TSC2: variants seen among roughly 807,000 people sequenced by gnomAD.
The protein encoded by TSC2 is tuberin.
Under a neutral mutation model 202.2 loss-of-function variants are expected in TSC2, and 29 were observed. The observed-to-expected ratio is 0.14, with a 90% CI of 0.11 to 0.20. The LOEUF is 0.20. Among genes scored for constraint, TSC2 ranks in the 10% least tolerant of loss-of-function variants. The probability of loss-of-function intolerance (pLI) is 1.00; values close to 1 mark genes in which losing one functional copy is unlikely to be tolerated. For missense variants in TSC2, 2,429 were observed against 2,420.0 expected, an observed-to-expected ratio of 1.00 and a Z score of -0.08; for synonymous variants, 1,349 against 1,044.0, an observed-to-expected ratio of 1.29 and a Z score of -5.63.
At chr16:2,058,961 CG>C in intron 10 of TSC2, 88 bp downstream of exon 10, 1 of 1,543,952 alleles carries the variant, frequency 6.5e-7, no homozygotes. Context: ...GGTCCTGCTG[CG>C]GGGGCTGCGG....
chr16:2,058,903 G>T (rs747507246), intron 10 of TSC2, 30 bp downstream of exon 10: 9 of 1,599,056 alleles, frequency 5.6e-6, no homozygotes, highest in Non-Finnish European at 6.8e-6. Flanking sequence ...CAGTGAGCTG[G>T]CAGGAACGGG....
rs117970803 is a variant in TSC2, at chr16:2,049,402, A to G, written c.138+649A>G. ...CACATGGGCTAGGTCGTTATCTTTTATGTGTGTTTGTGTCTTTGTCACACA... is the reference window on the plus strand; with the variant it reads ...CACATGGGCTAGGTCGTTATCTTTTGTGTGTGTTTGTGTCTTTGTCACACA... On this transcript the variant is annotated intron_variant, in intron 2 of 41. Transcript: ENST00000219476. 8.3e-4 allele frequency among the ~76,000 whole-genome samples: 126 copies of G among 151,894 alleles called. 1 individual carries two copies. The East Asian group carries it at 0.02, about 24-fold the overall frequency.
intron 26 of TSC2, 39 bp from the exon 27 acceptor site, chr16:2,078,993 A>G (rs1437193054): frequency 1.2e-6 from 2 of 1,610,734 alleles, no homozygotes; most frequent in East Asian, 2.2e-5. Context: ...GGCCCGCCCT[A>G]CCTGGCACCC....
intron 16 of TSC2, chr16:2,066,312 G>A (rs149048921): frequency 0.014 from 2,098 of 152,904 alleles, 18 homozygotes; most frequent in Non-Finnish European, 0.021. Context: ...ATGTGTCCAG[G>A]CCCGTCCAGG....
At chr16:2,081,265 A>T in intron 30 of TSC2, 1 of 408,888 alleles carries the variant, frequency 2.4e-6, no homozygotes, top group East Asian at 5.2e-5. Flanking sequence ...AGAGGCCCAG[A>T]GCCCAGGGGC....
At chr16:2,077,487 A>G in intron 25 of TSC2, 111 bp from the exon 26 acceptor site, 2 of 1,540,568 alleles carry the variant, frequency 1.3e-6, no homozygotes, top group Non-Finnish European at 1.8e-6. Flanking sequence ...GGATCTCTCC[A>G]TCCTGACCCT....
intron 2 of TSC2, among the ~76,000 whole-genome samples, chr16:2,049,422 C>T (rs1179262763): frequency 1.3e-5 from 2 of 152,048 alleles, no homozygotes; most frequent in Admixed American, 6.6e-5. Context: ...GTGTCTTTGT[C>T]ACACATGCCT....
chr16:2,079,122 C>T lies in TSC2; in HGVS notation c.3057C>T (p.His1019=), dbSNP rs1060504102. 1.1e-5 allele frequency: 17 copies of T among 1,612,966 alleles called. No homozygotes were observed. The highest frequency in any genetic ancestry group is 1.4e-5 in the Non-Finnish European group (17 of 1,180,054). Residue 1019 remains histidine, a synonymous_variant, in exon 27 of 42, where the codon CAC becomes CAT. Transcript: ENST00000219476. This position sits in a 1 kb window ranked among gnomAD's most constrained non-coding sequence, Gnocchi z 4.6. ...CTGACGATAGCCTGAAAAACCTCCA[C>T]CTGGAGCTCACGGAAACCTGTCTGG... is the stretch of plus-strand genomic sequence containing the variant. ...AQADDSLKNL[H]LELTETCLDM... is the part of the protein sequence containing the mutation.
Position 2,071,830 on chromosome 16 carries a change from C to G in TSC2, c.1993C>G (p.Pro665Ala), listed in dbSNP as rs1184908674. The change falls in exon 19 of 42, where the codon CCT becomes GCT. Residue 665 changes from proline (P) to alanine (A), a missense_variant. By Grantham distance (27) the Pro-to-Ala change is conservative. Coordinates refer to ENST00000219476, the MANE Select transcript of TSC2 (RefSeq NM_000548.5). Reference sequence around the variant, plus strand: ...GAAGAAGACCAGCGGCCCCCTTTCTCCTCCCACAGGGCCTCCTGGCCCGGC... The same window carrying G: ...GAAGAAGACCAGCGGCCCCCTTTCTGCTCCCACAGGGCCTCCTGGCCCGGC... ...SEKKTSGPLS[P>A]PTGPPGPAPA... The G allele has an allele frequency of 3.8e-6, 6 of 1,596,926 alleles. No homozygotes were observed. In the East Asian group the frequency reaches 1.4e-4, roughly 36 times the overall value.
intron 14 of TSC2, chr16:2,063,866 A>G (rs986115558): frequency 3.5e-5 from 12 of 346,174 alleles, no homozygotes; most frequent in Non-Finnish European, 6.2e-5. Context: ...ACACACGCAT[A>G]TTCACGCATG....
chr16:2,084,113 C>T (rs551480664), intron 33 of TSC2, 115 bp from the exon 34 acceptor site: 37 of 1,528,790 alleles, frequency 2.4e-5, no homozygotes, highest in Non-Finnish European at 3.0e-5. Flanking sequence ...GGTGCTCGGG[C>T]TGGTCTGTGG....
At chr16:2,058,990 T>G (rs1323873963) in intron 10 of TSC2, 117 bp downstream of exon 10, 3 of 1,499,970 alleles carry the variant, frequency 2.0e-6, no homozygotes, top group Admixed American at 3.9e-5. Flanking sequence ...TCTAGGCCTT[T>G]CCAGGCAGTT....
intron 9 of TSC2, among the ~76,000 whole-genome samples, chr16:2,057,703 C>A (rs2086050866): frequency 6.6e-6 from 1 of 152,164 alleles, no homozygotes; most frequent in African/African-American, 2.4e-5. Context: ...TTGCTGGAAG[C>A]CAGGTGGTTC....
In TSC2 at chr16:2,087,933, G is replaced by A. The variant is rs2091058156; in HGVS notation, c.5060G>A (p.Cys1687Tyr). The A allele has an allele frequency of 6.2e-7, 1 of 1,605,130 alleles. No individual in the cohort carries two copies. Among genetic ancestry groups the A allele is most frequent in the Admixed American group, 1.7e-5 (1 of 59,704 alleles). Residue 1687 changes from cysteine to tyrosine, a missense_variant, in exon 39 of 42, where the codon TGC becomes TAC. Physicochemically the swap from Cys to Tyr is radical, Grantham distance 194 (BLOSUM62 -2). Coordinates refer to ENST00000219476, the MANE Select transcript of TSC2 (RefSeq NM_000548.5). Reference protein sequence around the residue: ...DYECNLVSLQCRKDMEGLVDT... With the variant: ...DYECNLVSLQYRKDMEGLVDT... ...GAGTGCAACCTGGTGTCCCTGCAGT[G>A]CAGGAAAGGTAGGGCCGGGTGGGGC...
rs2090634038 is a variant in TSC2, at chr16:2,085,318, G to A, written c.4658G>A (p.Gly1553Asp). 6.2e-7 allele frequency: 1 copy of A among 1,612,640 alleles called. No homozygotes were observed. Among genetic ancestry groups the A allele is most frequent in the Non-Finnish European group, 8.5e-7 (1 of 1,179,924 alleles). The change falls in exon 36 of 42, where the codon GGC becomes GAC. Residue 1553 changes from glycine to aspartate, a missense_variant. Transcript: ENST00000219476. Reference protein sequence around the residue: ...HKIAVLYVGEGQSNSELAILS... With the variant: ...HKIAVLYVGEDQSNSELAILS... ...ATCGCCGTCCTGTATGTTGGAGAAG[G>A]CCAGGTGAGGCTGCGGGGCCGGCCT...
intron 13 of TSC2, 184 bp downstream of exon 13, chr16:2,062,784 T>A: frequency 1.1e-6 from 1 of 882,726 alleles, no homozygotes; most frequent in Non-Finnish European, 1.8e-6. Flanking sequence ...GGTCCTCTCA[T>A]GACGCCACTG....
chr16:2,061,805 G>C, intron 11 of TSC2, 66 bp from the exon 12 acceptor site: 1 of 1,612,868 alleles, frequency 6.2e-7, no homozygotes, highest in Non-Finnish European at 8.5e-7. Context: ...TGTGTAGCGA[G>C]GCCTCTGGTG....
rs961023782 is a variant in TSC2, at chr16:2,083,912, C to T, written c.4005+96C>T. On this transcript the variant is annotated intron_variant, in intron 33 of 41. Coordinates refer to ENST00000219476, the MANE Select transcript of TSC2 (RefSeq NM_000548.5). ...GGTGTGCCTGCACCCTGGGAACTGG[C>T]TCTGAACTTGGGGGAGATGTTCTTC... The T allele has an allele frequency of 1.2e-5, 18 of 1,495,664 alleles. No homozygotes were observed. In the Admixed American group the frequency reaches 3.6e-4, roughly 30 times the overall value. 92.6% of individuals were successfully genotyped at this position (1,495,664 alleles called of 1,614,324 possible).
intron 9 of TSC2, among the ~76,000 whole-genome samples, chr16:2,057,491 T>G (rs1024490642): frequency 3.3e-5 from 5 of 152,138 alleles, no homozygotes. Context: ...ACGTTGCCCT[T>G]GCCCTCACCC....
Sources: allele counts gnomAD v4.1 joint callset (sites outside exome capture counted in the v4.1 genomes callset), GRCh38; gene constraint gnomAD v4.1.1; non-coding constraint Gnocchi (gnomAD v3.1); transcripts MANE v1.5; gene names NCBI Gene and HGNC (gene_info 2026-07-23, HGNC 2026-07-21).